The following CEP250 variants were observed in gnomAD, a reference collection of about 807,000 sequenced individuals.
The protein encoded by CEP250 is centrosomal protein 250.
Under a neutral mutation model 315.7 loss-of-function variants are expected in CEP250, and 242 were observed. The ratio of observed to expected loss-of-function variants is 0.77; its 90% CI spans 0.69 to 0.85. The LOEUF (loss-of-function observed/expected upper bound fraction) is 0.85. CEP250 is among the 40% of genes least tolerant of loss of function. CEP250 has a pLI of 0.00. For synonymous variants in CEP250, 1,088 were observed against 1,175.0 expected, an observed-to-expected ratio of 0.93 and a Z score of 1.51; for missense variants, 2,515 against 2,886.4, an observed-to-expected ratio of 0.87 and a Z score of 2.95.
intron 7 of CEP250, among the ~76,000 whole-genome samples, chr20:35,466,536 T>TA (rs2062882017): frequency 6.6e-6 from 1 of 152,124 alleles, no homozygotes; most frequent in Admixed American, 6.5e-5. Context: ...ATCTAGATGC[T>TA]AAGGAGGTAG....
intron 15 of CEP250, 142 bp downstream of exon 15, chr20:35,475,788 C>T: frequency 4.7e-6 from 4 of 857,160 alleles, no homozygotes; most frequent in Non-Finnish European, 7.2e-6. Context: ...TCTATTCCAA[C>T]ATACCCTCTA....
intron 7 of CEP250, among the ~76,000 whole-genome samples, chr20:35,466,588 G>A (rs1289706595): frequency 6.6e-6 from 1 of 152,136 alleles, no homozygotes; most frequent in Non-Finnish European, 1.5e-5. Context: ...TATGGGCCCT[G>A]GGGAATTTTC....
intron 5 of CEP250, among the ~76,000 whole-genome samples, chr20:35,464,477 A>G (rs2062827909): frequency 6.6e-6 from 1 of 152,024 alleles, no homozygotes; most frequent in African/African-American, 2.4e-5. Flanking sequence ...ACATCTGGCT[A>G]ATTTTCTTTA....
intron 20 of CEP250, among the ~76,000 whole-genome samples, chr20:35,488,186 GC>G (rs891492179): frequency 1.4e-4 from 22 of 152,340 alleles, no homozygotes; most frequent in African/African-American, 5.3e-4. Context: ...TCTTCTTGTA[GC>G]TATAACACAC....
intron 9 of CEP250, 85 bp from the exon 10 acceptor site, chr20:35,469,805 G>A: frequency 3.7e-6 from 3 of 800,912 alleles, no homozygotes; most frequent in Non-Finnish European, 5.8e-6. Context: ...GGTTGGGGTT[G>A]GGGCTGGGGC....
At position 35,503,448 on chromosome 20, in the gene CEP250, A is replaced by T. The variant is rs548780711; in HGVS notation, c.5079A>T (p.Arg1693Ser). 3.7e-6 allele frequency: 6 copies of T among 1,614,146 alleles called. No individual in the cohort carries two copies. The highest frequency in any genetic ancestry group is 3.3e-4 in the Middle Eastern group (2 of 6,062). Residue 1693 changes from arginine to serine, a missense_variant, in exon 30 of 35, where the codon AGA becomes AGT. Transcript: ENST00000397527. The surrounding 1 kb of genome is among the most constrained non-coding windows in gnomAD (Gnocchi z 4.2). Reference sequence around the variant, plus strand: ...TGGAACAGATCAAGCTGTCCTTGAGAGAGCGAGGCCGGGAGCTGACCACTC... The same window carrying T: ...TGGAACAGATCAAGCTGTCCTTGAGTGAGCGAGGCCGGGAGCTGACCACTC... Reference protein sequence around the residue: ...EDLEQIKLSLRERGRELTTQR... With the variant: ...EDLEQIKLSLSERGRELTTQR...
chr20:35,482,553 AT>A (rs952584745), intron 20 of CEP250, among the ~76,000 whole-genome samples: 3 of 137,684 alleles, frequency 2.2e-5, no homozygotes, highest in Admixed American at 7.4e-5. Context: ...ATTTTTTTAT[AT>A]TTTTTTTTAT....
Position 35,518,134 on chromosome 20 carries a change from T to G in CEP250, c.*6508T>G, listed in dbSNP as rs2064451426. On this transcript the variant is annotated 3_prime_UTR_variant, in exon 35 of 35. Coordinates refer to ENST00000397527, the MANE Select transcript of CEP250 (RefSeq NM_007186.6). ...AACTCCTCTTCAGAGGCAGCGGGTT[T>G]TGTTTTTTTTTTAACTATGTTTTTC... The G allele has an allele frequency of 1.1e-5, 1 of 87,686 alleles. No individual in the cohort carries two copies. The highest frequency in any genetic ancestry group is 2.9e-5 in the African/African-American group (1 of 34,978). The allele number at this position is 87,686 out of a possible 1,614,324, so 5.4% of individuals were successfully genotyped here. A position where few individuals can be genotyped will look rare whatever the true frequency, so the allele number is the denominator to read the frequency against.
rs2062914257 is a variant in CEP250 at position 35,467,476 on chromosome 20, A to G, written c.772A>G (p.Lys258Glu). 6.2e-7 allele frequency: 1 copy of G among 1,614,068 alleles called. No individual in the cohort carries two copies. The highest frequency in any genetic ancestry group is 2.2e-5 in the East Asian group (1 of 44,868). ...LLLAKTQELEKEAHERSQELI... is the reference protein window; with the variant it reads ...LLLAKTQELEEEAHERSQELI... ...ACTAGCCAAGACCCAGGAGCTGGAG[A>G]AGGAAGCCCATGAAAGGAGCCAGGA... Residue 258 changes from lysine to glutamate, a missense_variant, in exon 9 of 35, where the codon AAG becomes GAG. Transcript: ENST00000397527.
Position 35,504,153 on chromosome 20 carries a change from G to C in CEP250, c.5784G>C (p.Trp1928Cys), listed in dbSNP as rs746518050. Reference sequence around the variant, plus strand: ...AGACCAGGGCCCTGCAGGACAGCTGGCTGCAGGCCCAGGCAGTGCTCAAGG... The same window carrying C: ...AGACCAGGGCCCTGCAGGACAGCTGCCTGCAGGCCCAGGCAGTGCTCAAGG... ...EVETRALQDS[W>C]LQAQAVLKER... is the part of the protein sequence containing the mutation. The change falls in exon 30 of 35, where the codon TGG becomes TGC. Residue 1928 changes from tryptophan to cysteine, a missense_variant. Physicochemically the swap from Trp to Cys is radical, Grantham distance 215. Coordinates refer to ENST00000397527, the MANE Select transcript of CEP250 (RefSeq NM_007186.6). The C allele has an allele frequency of 2.5e-6, 4 of 1,614,102 alleles. No homozygotes were observed. Among genetic ancestry groups the C allele is most frequent in the Non-Finnish European group, 3.4e-6 (4 of 1,179,994 alleles).
Position 35,509,014 on chromosome 20 carries a change from C to A in CEP250, c.6978C>A (p.Ser2326Arg). The A allele has an allele frequency of 6.4e-7, 1 of 1,558,230 alleles. No homozygotes were observed. The stretch of plus-strand genomic sequence containing the variant: ...CCCAGGCAGGGTCCCTAGAGATCAG[C>A]AAGGCCACGGCTTCTTCACCCACAC... Reference protein sequence around the residue: ...RAAQAGSLEISKATASSPTQQ... With the variant: ...RAAQAGSLEIRKATASSPTQQ... The change falls in exon 33 of 35, where the codon AGC (serine) becomes AGA (arginine). Residue 2326 changes from serine (S) to arginine (R), a missense_variant. Transcript: ENST00000397527.
chr20:35,476,210 T>G (rs146240917), intron 15 of CEP250: 1 of 392,606 alleles, frequency 2.5e-6, no homozygotes, highest in Non-Finnish European at 4.6e-6. Flanking sequence ...GCTTACATTT[T>G]CTGTGGCATC....
At chr20:35,474,809 G>T (rs562879050) in intron 14 of CEP250, 2 of 471,136 alleles carry the variant, frequency 4.2e-6, no homozygotes, top group Non-Finnish European at 8.8e-6. Context: ...CTGGGAAGAT[G>T]AGAGCAATGT....
chr20:35,504,103 G>A lies in CEP250; in HGVS notation c.5734G>A (p.Glu1912Lys), dbSNP rs373721972. The A allele has an allele frequency of 1.2e-6, 2 of 1,612,858 alleles. No homozygotes were observed. The highest frequency in any genetic ancestry group is 2.7e-5 in the African/African-American group (2 of 75,024). ...GTTGGCCCTCCAGCAGCAGTGTGCTGAGCAGGCACAGGAGCATGAGGTGGA... is the reference window on the plus strand; with the variant it reads ...GTTGGCCCTCCAGCAGCAGTGTGCTAAGCAGGCACAGGAGCATGAGGTGGA... ...ALLALQQQCAEQAQEHEVETR... is the reference protein window; with the variant it reads ...ALLALQQQCAKQAQEHEVETR... Residue 1912 changes from glutamate to lysine, a missense_variant, in exon 30 of 35, where the codon GAG becomes AAG. Transcript: ENST00000397527.
intron 34 of CEP250, among the ~76,000 whole-genome samples, chr20:35,511,084 A>G (rs976483673): frequency 6.6e-6 from 1 of 152,202 alleles, no homozygotes; most frequent in African/African-American, 2.4e-5. Flanking sequence ...CATTTTTCAC[A>G]TGTAAATTAT....
In CEP250 at chr20:35,502,592, A is replaced by G; in HGVS notation, c.4223A>G (p.Gln1408Arg). ...GAGAGAGCCCAGGCTCTGCAAGAGCAGGGCGAACTGAAGGTGGCCCAAGGG... is the reference window on the plus strand; with the variant it reads ...GAGAGAGCCCAGGCTCTGCAAGAGCGGGGCGAACTGAAGGTGGCCCAAGGG... Reference protein sequence around the residue: ...ERERAQALQEQGELKVAQGKA... With the variant: ...ERERAQALQERGELKVAQGKA... The change falls in exon 30 of 35, where the codon CAG (glutamine) becomes CGG (arginine). Residue 1408 changes from glutamine (Q) to arginine (R), a missense_variant. Physicochemically the swap from Gln to Arg is conservative, Grantham distance 43. Transcript: ENST00000397527. The G allele has an allele frequency of 6.2e-7, 1 of 1,614,274 alleles. No individual in the cohort carries two copies. The highest frequency in any genetic ancestry group is 8.5e-7 in the Non-Finnish European group (1 of 1,180,042).
rs182216243 is a variant in CEP250 at position 35,473,597 on chromosome 20, G to C, written c.1388+45G>C. ...ATCCCACCCTCCCAGCCTGGTCTCA[G>C]TCTCAGTCACCATCCAGCCATTTAC... is the stretch of plus-strand genomic sequence containing the variant. On this transcript the variant is annotated intron_variant, in intron 13 of 34. Transcript: ENST00000397527. The C allele has an allele frequency of 3.7e-5, 57 of 1,537,454 alleles. No homozygotes were observed. In the East Asian group the frequency reaches 1.2e-3, roughly 33 times the overall value.
At chr20:35,494,467 A>C in intron 23 of CEP250, 57 bp from the exon 24 acceptor site, 1 of 1,606,494 alleles carries the variant, frequency 6.2e-7, no homozygotes. Context: ...GGTGAGGAGC[A>C]TCTTCCCACC....
At chr20:35,506,928 C>T (rs563874276) in intron 30 of CEP250, among the ~76,000 whole-genome samples, 20 of 152,156 alleles carry the variant, frequency 1.3e-4, no homozygotes, top group Admixed American at 5.9e-4. Context: ...AGGGCACTTC[C>T]CACCCATACT....
Sources: gnomAD v4.1 joint callset for allele counts (sites outside exome capture counted in the v4.1 genomes callset) on GRCh38, gnomAD v4.1.1 for gene constraint, Gnocchi (gnomAD v3.1) non-coding constraint, MANE v1.5 for transcripts, NCBI Gene and HGNC (gene_info 2026-07-23, HGNC 2026-07-21) for gene names.